CRACDL: variants seen among roughly 807,000 people sequenced by gnomAD.
The protein encoded by CRACDL is CRACD like.
In CRACDL, 26 loss-of-function variants were observed where a neutral mutation model predicts 70.6. That is an observed-to-expected ratio of 0.37 (90% CI 0.27 to 0.51). CRACDL has a LOEUF of 0.51. CRACDL is among the 20% of genes least tolerant of loss of function. CRACDL has a pLI of 0.94. For synonymous variants in CRACDL, 618 were observed against 615.2 expected, an observed-to-expected ratio of 1.00 and a Z score of -0.07; for missense variants, 1,283 against 1,376.9, an observed-to-expected ratio of 0.93 and a Z score of 1.08.
At chr2:98,874,350 C>G (rs1707426164) in intron 1 of CRACDL, among the ~76,000 whole-genome samples, 1 of 152,216 alleles carries the variant, frequency 6.6e-6, no homozygotes, top group Non-Finnish European at 1.5e-5. Context: ...TCATGTTGCC[C>G]CCCTGATGGT....
At chr2:98,933,720 A>G (rs1709140500) in intron 1 of CRACDL, among the ~76,000 whole-genome samples, 1 of 152,166 alleles carries the variant, frequency 6.6e-6, no homozygotes. Flanking sequence ...CCAGGACATC[A>G]CAGAAAACCC....
At chr2:98,846,693 C>A in intron 2 of CRACDL, 38 bp downstream of exon 2, 1 of 1,566,070 alleles carries the variant, frequency 6.4e-7, no homozygotes, top group Non-Finnish European at 8.8e-7. Flanking sequence ...CACAACAAAG[C>A]AAGTGCCCTC....
chr2:98,914,079 C>A (rs989009028), intron 1 of CRACDL, among the ~76,000 whole-genome samples: 1 of 152,250 alleles, frequency 6.6e-6, no homozygotes, highest in Non-Finnish European at 1.5e-5. Flanking sequence ...TCAGCATCAT[C>A]TGGCCAGTAA....
intron 1 of CRACDL, among the ~76,000 whole-genome samples, chr2:98,921,289 G>C (rs1034282111): frequency 6.6e-6 from 1 of 152,212 alleles, no homozygotes; most frequent in Non-Finnish European, 1.5e-5. Flanking sequence ...GGCAGGGCGC[G>C]GCAGGGCAGC....
chr2:98,824,058 G>A (rs1705208385), intron 6 of CRACDL, among the ~76,000 whole-genome samples: 1 of 152,144 alleles, frequency 6.6e-6, no homozygotes, highest in Non-Finnish European at 1.5e-5. Flanking sequence ...CAACACTTCA[G>A]GAATGTACCC....
chr2:98,796,103 G>A lies in CRACDL; in HGVS notation c.2749+17C>T. The A allele has an allele frequency of 6.2e-7, 1 of 1,610,228 alleles. No individual in the cohort carries two copies. The highest frequency in any genetic ancestry group is 2.2e-5 in the East Asian group (1 of 44,788). On this transcript the variant is annotated intron_variant, in intron 9 of 9. Transcript: ENST00000397899. ...AAATGATTTCAAAGTATGTGGTAAT[G>A]TTTGCAGATTTCATACCCAAGTTCT...
At chr2:98,865,857 G>A (rs1707116596) in intron 1 of CRACDL, among the ~76,000 whole-genome samples, 1 of 147,724 alleles carries the variant, frequency 6.8e-6, no homozygotes, top group Admixed American at 6.8e-5. Flanking sequence ...CTAGAGTGCA[G>A]TGGCGCAACC....
intron 1 of CRACDL, among the ~76,000 whole-genome samples, chr2:98,905,596 A>G (rs12712041): frequency 0.51 from 77,406 of 151,390 alleles, 21,456 homozygotes; most frequent in African/African-American, 0.72. Flanking sequence ...CCTCCTGTGT[A>G]AAAGATTTAG....
At chr2:98,821,722 G>T in intron 7 of CRACDL, 135 bp downstream of exon 7, 1 of 1,170,202 alleles carries the variant, frequency 8.5e-7, no homozygotes, top group South Asian at 1.5e-5. Context: ...TGATGTTAGT[G>T]GGAATTCTGA....
intron 1 of CRACDL, among the ~76,000 whole-genome samples, chr2:98,880,224 T>C (rs1017023747): frequency 1.1e-4 from 16 of 152,238 alleles, no homozygotes; most frequent in Admixed American, 9.2e-4. Flanking sequence ...AGTTGACTGA[T>C]GCACGGAAGA....
At chr2:98,907,050 A>G (rs991799198) in intron 1 of CRACDL, among the ~76,000 whole-genome samples, 13 of 152,254 alleles carry the variant, frequency 8.5e-5, no homozygotes, top group Admixed American at 5.9e-4. Flanking sequence ...CCAGCACTTT[A>G]GGAGGCCGAG....
intron 1 of CRACDL, among the ~76,000 whole-genome samples, chr2:98,915,477 C>T (rs1708642791): frequency 6.6e-6 from 1 of 152,156 alleles, no homozygotes; most frequent in Non-Finnish European, 1.5e-5. Flanking sequence ...ACATGACTTG[C>T]TGTGGAGCCC....
At chr2:98,903,679 C>T (rs1188603497) in intron 1 of CRACDL, among the ~76,000 whole-genome samples, 1 of 152,216 alleles carries the variant, frequency 6.6e-6, no homozygotes. Context: ...AAACCATTTG[C>T]ATCTGATTAA....
At chr2:98,821,465 A>G (rs904226509) in intron 7 of CRACDL, among the ~76,000 whole-genome samples, 17 of 152,220 alleles carry the variant, frequency 1.1e-4, no homozygotes, top group African/African-American at 4.1e-4. Context: ...GGCATGAGCT[A>G]CCGAGGTCGG....
At chr2:98,916,230 G>A (rs1302299996) in intron 1 of CRACDL, among the ~76,000 whole-genome samples, 1 of 152,194 alleles carries the variant, frequency 6.6e-6, no homozygotes, top group Non-Finnish European at 1.5e-5. Context: ...AATAATCATG[G>A]GCTGGAAGAA....
At chr2:98,857,502 G>T (rs1477172537) in intron 1 of CRACDL, among the ~76,000 whole-genome samples, 1 of 151,998 alleles carries the variant, frequency 6.6e-6, no homozygotes, top group Non-Finnish European at 1.5e-5. Context: ...AATTGATTCT[G>T]ATATATTAAG....
chr2:98,799,175 C>G (rs1703965727), intron 7 of CRACDL, among the ~76,000 whole-genome samples: 1 of 152,144 alleles, frequency 6.6e-6, no homozygotes, highest in African/African-American at 2.4e-5. Flanking sequence ...TGTTTCACAG[C>G]AACACATGCA....
chr2:98,921,522 A>G (rs142741422), intron 1 of CRACDL, among the ~76,000 whole-genome samples: 1 of 152,382 alleles, frequency 6.6e-6, no homozygotes, highest in Non-Finnish European at 1.5e-5. Context: ...AAAGATACAC[A>G]GTCAAAAATG....
chr2:98,869,292 G>A (rs974233686), intron 1 of CRACDL: 42 of 1,223,732 alleles, frequency 3.4e-5, no homozygotes, highest in Non-Finnish European at 4.0e-5. Context: ...AGGAGGAAGT[G>A]GGGCTTCTGC....
Sources: allele counts gnomAD v4.1 joint callset (sites outside exome capture counted in the v4.1 genomes callset), GRCh38; gene constraint gnomAD v4.1.1; transcripts MANE v1.5; gene names NCBI Gene and HGNC (gene_info 2026-07-23, HGNC 2026-07-21).